The following NCOR1 variants were observed in gnomAD, a reference collection of about 807,000 sequenced individuals.
The protein encoded by NCOR1 is nuclear receptor corepressor 1.
Under a neutral mutation model 288.1 loss-of-function variants are expected in NCOR1, and 63 were observed. That is an observed-to-expected ratio of 0.22 (90% CI 0.18 to 0.27). The LOEUF is 0.27. NCOR1 is among the 10% of genes least tolerant of loss of function. The pLI, the probability that NCOR1 is intolerant of heterozygous loss-of-function variation, is 1.00. For missense variants in NCOR1, 2,397 were observed against 3,019.2 expected (o/e 0.79, Z 4.83); for synonymous variants, 1,007 against 1,065.9 (o/e 0.94, Z 1.08).
At chr17:16,117,310 G>A (rs907886212) in intron 18 of NCOR1, among the ~76,000 whole-genome samples, 1 of 152,002 alleles carries the variant, frequency 6.6e-6, no homozygotes, top group Non-Finnish European at 1.5e-5. Flanking sequence ...TAGAAACTTC[G>A]GAGGAGGAAA....
At chr17:16,119,236 G>T (rs1426990411) in intron 17 of NCOR1, among the ~76,000 whole-genome samples, 187 bp downstream of exon 17, 1 of 152,026 alleles carries the variant, frequency 6.6e-6, no homozygotes, top group Non-Finnish European at 1.5e-5. Flanking sequence ...CTTAAACAAG[G>T]CACACTGGGG....
At chr17:16,044,821 A>G in intron 42 of NCOR1, 1 of 1,085,184 alleles carries the variant, frequency 9.2e-7, no homozygotes, top group Non-Finnish European at 1.4e-6. Context: ...GGGCTGGTGG[A>G]CCTGCTCCAG....
intron 6 of NCOR1, among the ~76,000 whole-genome samples, chr17:16,156,020 T>C (rs1166083507): frequency 6.6e-6 from 1 of 152,034 alleles, no homozygotes; most frequent in African/African-American, 2.4e-5. Context: ...AGGCCAGGCA[T>C]GGGGGCTCAC....
chr17:16,034,970 A>G (rs754557448), intron 44 of NCOR1, 26 bp from the exon 45 acceptor site: 12 of 1,606,332 alleles, frequency 7.5e-6, no homozygotes, highest in Non-Finnish European at 1.0e-5. Context: ...AAGTTAAAGT[A>G]TTAATATATT....
Position 16,048,923 on chromosome 17 carries a change from G to A in NCOR1, c.6458C>T (p.Pro2153Leu), listed in dbSNP as rs751129548. The A allele has an allele frequency of 9.9e-6, 16 of 1,613,972 alleles. 1 individual carries two copies. The Admixed American group carries it at 2.7e-4, about 27-fold the overall frequency. ...SSEPYEPISP[P>L]QVPVVHEKQD... ...TTTCTCATGCACAACCGGAACCTGG[G>A]GTGGGGAGATGGGCTCGTAGGGCTC... The change falls in exon 41 of 46, where the codon CCC becomes CTC. Residue 2153 changes from proline to leucine, a missense_variant. Transcript: ENST00000268712.
chr17:16,128,716 AT>A (rs1272046608), intron 14 of NCOR1, among the ~76,000 whole-genome samples: 8 of 152,206 alleles, frequency 5.3e-5, no homozygotes, highest in African/African-American at 1.9e-4. Flanking sequence ...GAAGTAACTA[AT>A]TAATTTTAAG....
intron 40 of NCOR1, among the ~76,000 whole-genome samples, chr17:16,051,318 T>C (rs1325304559): frequency 6.6e-6 from 1 of 152,208 alleles, no homozygotes; most frequent in East Asian, 1.9e-4. Flanking sequence ...CATCCTTTTC[T>C]AGAACTACAG....
intron 22 of NCOR1, among the ~76,000 whole-genome samples, chr17:16,089,760 C>A (rs878974048): frequency 6.6e-6 from 1 of 152,074 alleles, no homozygotes; most frequent in African/African-American, 2.4e-5. Context: ...TAGACACAAG[C>A]ATCTTAACTG....
chr17:16,037,422 G>A (rs1256726212), intron 44 of NCOR1, among the ~76,000 whole-genome samples: 2 of 151,554 alleles, frequency 1.3e-5, no homozygotes, highest in East Asian at 3.9e-4. Flanking sequence ...AAAAAAAAAA[G>A]CACAATAAAA....
intron 14 of NCOR1, among the ~76,000 whole-genome samples, chr17:16,127,258 T>C (rs566153848): frequency 8.7e-6 from 1 of 115,096 alleles, no homozygotes; most frequent in Non-Finnish European, 1.8e-5. Flanking sequence ...TATATATGTG[T>C]GTGTATATAT....
intron 40 of NCOR1, chr17:16,057,285 A>G (rs1338593941): frequency 2.3e-5 from 12 of 527,800 alleles, no homozygotes; most frequent in Non-Finnish European, 3.4e-5. Context: ...CAAACCAACA[A>G]ATAGAATATA....
At chr17:16,173,281 G>C (rs775082067) in intron 3 of NCOR1, among the ~76,000 whole-genome samples, 17 of 152,054 alleles carry the variant, frequency 1.1e-4, no homozygotes, top group Non-Finnish European at 1.8e-4. Context: ...TCAACACATA[G>C]AATTCCATTA....
At position 16,030,518 on chromosome 17, in the gene NCOR1, T is replaced by G; in HGVS notation, c.*1778A>C. ...GAAAAAAAAAAATTCAGCAGAAAAC[T>G]GTGAAGTGGAACATTTAGTCACTGT... On this transcript the variant is annotated 3_prime_UTR_variant, in exon 46 of 46. Transcript: ENST00000268712. 5.1e-6 allele frequency: 1 copy of G among 195,788 alleles called. No individual in the cohort carries two copies. Among genetic ancestry groups the G allele is most frequent in the African/African-American group, 2.3e-5 (1 of 43,272 alleles). 12.1% of individuals were successfully genotyped at this position (195,788 alleles called of 1,614,324 possible).
intron 11 of NCOR1, 79 bp downstream of exon 11, chr17:16,143,527 C>T: frequency 2.7e-6 from 3 of 1,116,138 alleles, no homozygotes; most frequent in Non-Finnish European, 4.0e-6. Context: ...CATTTACATA[C>T]AAAAAAACCC....
At chr17:16,132,267 C>T (rs906613271) in intron 14 of NCOR1, among the ~76,000 whole-genome samples, 7 of 152,182 alleles carry the variant, frequency 4.6e-5, no homozygotes, top group African/African-American at 1.7e-4. Context: ...ACATGACTTG[C>T]TTTACTGCAG....
At chr17:16,051,544 G>A (rs923540346) in intron 40 of NCOR1, among the ~76,000 whole-genome samples, 2 of 152,174 alleles carry the variant, frequency 1.3e-5, no homozygotes, top group Admixed American at 6.5e-5. Context: ...CAAAAAGTTA[G>A]AAAGATCTCA....
intron 10 of NCOR1, among the ~76,000 whole-genome samples, chr17:16,143,951 A>G (rs2153314945): frequency 6.6e-6 from 1 of 152,326 alleles, no homozygotes; most frequent in East Asian, 1.9e-4. Context: ...AAACTTCTAG[A>G]AAGTCATAAT....
At chr17:16,105,921 G>A (rs1291539412) in intron 19 of NCOR1, among the ~76,000 whole-genome samples, 2 of 152,264 alleles carry the variant, frequency 1.3e-5, no homozygotes, top group Non-Finnish European at 2.9e-5. Flanking sequence ...CCAACGTAGC[G>A]AAACCCCATC....
Position 16,057,706 on chromosome 17 carries a change from T to A in NCOR1, c.6200A>T (p.Gln2067Leu), listed in dbSNP as rs771384795. The A allele has an allele frequency of 7.4e-6, 12 of 1,614,066 alleles. 1 individual carries two copies. The South Asian group carries it at 1.3e-4, about 18-fold the overall frequency. Residue 2067 changes from glutamine (Q) to leucine (L), a missense_variant, in exon 40 of 46, where the codon CAA (glutamine) becomes CTA (leucine). Around this residue, in one of 11 missense-constraint regions of NCOR1, gnomAD observed 1,872 missense variants for 2,187.8 expected, o/e 0.86. Transcript: ENST00000268712. ...QIITQDFARN[Q>L]VSSQTPQQPP... ...CTGCTGGGGAGTCTGCGAGGAAACT[T>A]GATTTCTAGCAAAATCTTGTGTGAT...
Sources: gnomAD v4.1 joint callset for allele counts (sites outside exome capture counted in the v4.1 genomes callset) on GRCh38, gnomAD v4.1.1 for gene constraint, gnomAD v4.1.1 regional missense constraint, MANE v1.5 for transcripts, NCBI Gene and HGNC (gene_info 2026-07-23, HGNC 2026-07-21) for gene names.